The following DTWD2 variants were observed in gnomAD, a reference collection of about 807,000 sequenced individuals.
DTWD2 encodes DTW motif tRNA-uridine aminocarboxypropyltransferase 2.
Under a neutral mutation model 31.8 loss-of-function variants are expected in DTWD2, and 39 were observed. That is an observed-to-expected ratio of 1.22 (90% CI 0.95 to 1.60). The LOEUF is 1.60. Ranked by LOEUF, DTWD2 falls within the 40% of genes most tolerant of loss-of-function variation. The pLI, the probability that DTWD2 is intolerant of heterozygous loss-of-function variation, is 0.00. For missense variants in DTWD2, 515 were observed against 381.5 expected, an observed-to-expected ratio of 1.35 and a Z score of -2.92; for synonymous variants, 180 against 142.8, an observed-to-expected ratio of 1.26 and a Z score of -1.86.
intron 1 of DTWD2, chr5:118,973,852 G>C (rs1440063381): frequency 1.2e-6 from 2 of 1,612,234 alleles, no homozygotes; most frequent in Non-Finnish European, 1.7e-6. Flanking sequence ...ACTTACAGGA[G>C]AAGAAGGAAG....
rs117890996 is a variant in DTWD2 at position 118,878,850 on chromosome 5, A to G, written c.598-30632T>C. 7.2e-4 allele frequency among the ~76,000 whole-genome samples: 109 copies of G among 152,334 alleles called. No homozygotes were observed. The East Asian group carries it at 0.018, about 25-fold the overall frequency. Reference sequence around the variant, plus strand: ...TGGATAAAGGATATGAACACTTCAAAAGAAGACATACATGTGGCCAACAGT... The same window carrying G: ...TGGATAAAGGATATGAACACTTCAAGAGAAGACATACATGTGGCCAACAGT... On this transcript the variant is annotated intron_variant, in intron 4 of 5. Transcript: ENST00000510708.
At chr5:118,974,273 C>T (rs1186417721) in intron 1 of DTWD2, among the ~76,000 whole-genome samples, 3 of 152,096 alleles carry the variant, frequency 2.0e-5, no homozygotes, top group East Asian at 1.9e-4. Flanking sequence ...AGATGACACG[C>T]GCTCTCCACC....
chr5:118,951,954 G>C (rs779082561), intron 1 of DTWD2, among the ~76,000 whole-genome samples: 2 of 152,114 alleles, frequency 1.3e-5, no homozygotes, highest in Non-Finnish European at 2.9e-5. Flanking sequence ...GACTGGCACC[G>C]GAGTTTTAGG....
rs146681591 is a variant in DTWD2 at position 118,858,394 on chromosome 5, A to G, written c.598-10176T>C. Reference sequence around the variant, plus strand: ...AATGTTGACACAGACCAGTACTTTAATAACACAAGAACTGTTTGAGCTGGT... The same window carrying G: ...AATGTTGACACAGACCAGTACTTTAGTAACACAAGAACTGTTTGAGCTGGT... On this transcript the variant is annotated intron_variant, in intron 4 of 5. Transcript: ENST00000510708. Among the ~76,000 whole-genome samples, 29 of 152,366 alleles carry G rather than the reference A, an allele frequency of 1.9e-4. No homozygotes were observed. The East Asian group carries it at 5.2e-3, about 27-fold the overall frequency.
intron 4 of DTWD2, among the ~76,000 whole-genome samples, chr5:118,902,320 A>T (rs1223634398): frequency 6.6e-6 from 1 of 152,172 alleles, no homozygotes; most frequent in Non-Finnish European, 1.5e-5. Flanking sequence ...AATGAGTAAA[A>T]TATAAGTAGG....
At chr5:118,906,205 G>A (rs1257614366) in intron 4 of DTWD2, among the ~76,000 whole-genome samples, 1 of 152,126 alleles carries the variant, frequency 6.6e-6, no homozygotes. Flanking sequence ...AAGTGTTGTT[G>A]GAGATAAGAA....
At position 118,928,725 on chromosome 5, in the gene DTWD2, G is replaced by T. The variant is rs1009381570; in HGVS notation, c.409C>A (p.Pro137Thr). ...IGRRFSEERD[P>T]ELSTVCRKSG... ...TTCCGGCAAACAGTTGAAAGTTCAGGATCTCTGAAAAAGTTTTTTAAAAAT... is the reference window on the plus strand; with the variant it reads ...TTCCGGCAAACAGTTGAAAGTTCAGTATCTCTGAAAAAGTTTTTTAAAAAT... The change falls in exon 4 of 6, where the codon CCT (proline) becomes ACT (threonine). Residue 137 changes from proline to threonine, a missense_variant. Physicochemically the swap from Pro to Thr is conservative, Grantham distance 38. Transcript: ENST00000510708. 6.4e-7 allele frequency: 1 copy of T among 1,550,816 alleles called. No individual in the cohort carries two copies. The highest frequency in any genetic ancestry group is 8.7e-7 in the Non-Finnish European group (1 of 1,152,672).
At chr5:118,941,278 T>C (rs898532573) in intron 2 of DTWD2, among the ~76,000 whole-genome samples, 5 of 152,152 alleles carry the variant, frequency 3.3e-5, no homozygotes, top group African/African-American at 9.7e-5. Context: ...CTGCACCCAT[T>C]AACTCGTCAT....
At chr5:118,956,876 G>A (rs746324024) in intron 1 of DTWD2, among the ~76,000 whole-genome samples, 17 of 151,170 alleles carry the variant, frequency 1.1e-4, no homozygotes, top group Admixed American at 2.0e-4. Context: ...ACATAAAAAT[G>A]GCAACAATTT....
chr5:118,980,942 A>G (rs937656548), intron 1 of DTWD2, among the ~76,000 whole-genome samples: 3 of 152,250 alleles, frequency 2.0e-5, no homozygotes, highest in African/African-American at 7.2e-5. Context: ...AAATGTAAAA[A>G]CAACCCAAGC....
intron 4 of DTWD2, among the ~76,000 whole-genome samples, chr5:118,860,543 G>C (rs991144508): frequency 6.6e-6 from 1 of 152,042 alleles, no homozygotes; most frequent in African/African-American, 2.4e-5. Context: ...CCTAGGGATG[G>C]CTGGGTCAAA....
chr5:118,935,973 A>C (rs1376919851), intron 3 of DTWD2, among the ~76,000 whole-genome samples: 1 of 152,196 alleles, frequency 6.6e-6, no homozygotes, highest in Non-Finnish European at 1.5e-5. Context: ...TATTTACCAA[A>C]AGACAGATCA....
Position 118,852,587 on chromosome 5 carries a change from T to A in DTWD2, c.598-4369A>T, listed in dbSNP as rs114625607. On this transcript the variant is annotated intron_variant, in intron 4 of 5. Transcript: ENST00000510708. ...AATAGCAGATGCTAGGAAGAGGTTA[T>A]GGAGAAAAGGAAATGTTTATACACT... Among the ~76,000 whole-genome samples the A allele has an allele frequency of 3.3e-3, 509 of 152,260 alleles. 3 individuals carry two copies. The highest frequency in any genetic ancestry group is 0.012 in the African/African-American group (499 of 41,542).
rs1751653441 is a variant in DTWD2, at chr5:118,839,327, T to G, written c.*1590A>C. ...CACCAAATAATCATTTGATATTAAG[T>G]GCTTTACATTGTAAATGAGCTAGTT... On this transcript the variant is annotated 3_prime_UTR_variant, in exon 6 of 6. Coordinates refer to ENST00000510708, the MANE Select transcript of DTWD2 (RefSeq NM_173666.4). 6.6e-6 allele frequency: 1 copy of G among 152,144 alleles called. No individual in the cohort carries two copies. Among genetic ancestry groups the G allele is most frequent in the East Asian group, 1.9e-4 (1 of 5,204 alleles). 9.4% of individuals were successfully genotyped at this position (152,144 alleles called of 1,614,324 possible).
At position 118,841,060 on chromosome 5, in the gene DTWD2, A is replaced by G. The variant is rs759029415; in HGVS notation, c.754T>C (p.Cys252Arg). Residue 252 changes from cysteine (C) to arginine (R), a missense_variant, in exon 6 of 6, where the codon TGC becomes CGC. Cys to Arg is a radical substitution (Grantham distance 180). Coordinates refer to ENST00000510708, the MANE Select transcript of DTWD2 (RefSeq NM_173666.4). Reference sequence around the variant, plus strand: ...GCACCATGCTGAAGTTGAAAGGAGCATAAAGCTTGAAGAGGGCGAAGCAAA... The same window carrying G: ...GCACCATGCTGAAGTTGAAAGGAGCGTAAAGCTTGAAGAGGGCGAAGCAAA... Reference protein sequence around the residue: ...ETLLRPLQALCSFQLQHGAQI... With the variant: ...ETLLRPLQALRSFQLQHGAQI... The G allele has an allele frequency of 1.9e-6, 3 of 1,613,064 alleles. No individual in the cohort carries two copies. The Admixed American group carries it at 5.0e-5, about 27-fold the overall frequency.
chr5:118,907,313 T>G (rs1481456586), intron 4 of DTWD2, among the ~76,000 whole-genome samples: 1 of 152,180 alleles, frequency 6.6e-6, no homozygotes, highest in Non-Finnish European at 1.5e-5. Flanking sequence ...TTAGTCAGGG[T>G]TCTCCCCAGA....
intron 4 of DTWD2, among the ~76,000 whole-genome samples, chr5:118,920,141 G>T (rs1309023339): frequency 6.6e-6 from 1 of 152,038 alleles, no homozygotes; most frequent in African/African-American, 2.4e-5. Flanking sequence ...GGGACTGCTG[G>T]TTTAAGCCAC....
At chr5:118,880,726 T>G (rs1752722587) in intron 4 of DTWD2, among the ~76,000 whole-genome samples, 1 of 152,200 alleles carries the variant, frequency 6.6e-6, no homozygotes, top group Non-Finnish European at 1.5e-5. Context: ...CTCATACATT[T>G]CATACTCTTT....
chr5:118,904,336 A>G (rs1753279272), intron 4 of DTWD2, among the ~76,000 whole-genome samples: 2 of 152,154 alleles, frequency 1.3e-5, no homozygotes, highest in African/African-American at 4.8e-5. Context: ...GTGTCTAATA[A>G]AAAGAATAGC....
Sources: gnomAD v4.1 joint callset for allele counts (sites outside exome capture counted in the v4.1 genomes callset) on GRCh38, gnomAD v4.1.1 for gene constraint, MANE v1.5 for transcripts, NCBI Gene and HGNC (gene_info 2026-07-23, HGNC 2026-07-21) for gene names.